The following FAM135B variants were observed in gnomAD, a reference collection of about 807,000 sequenced individuals.
FAM135B encodes family with sequence similarity 135 member B.
In FAM135B, 43 loss-of-function variants were observed where a neutral mutation model predicts 127.7. The ratio of observed to expected loss-of-function variants is 0.34; its 90% confidence interval spans 0.26 to 0.43. The LOEUF is 0.43. Ranked by LOEUF, FAM135B falls within the 20% of genes least tolerant of loss-of-function variation. FAM135B has a pLI of 1.00. For synonymous variants in FAM135B, 670 were observed against 665.1 expected, an observed-to-expected ratio of 1.01 and a Z score of -0.11; for missense variants, 1,558 against 1,725.6, an observed-to-expected ratio of 0.90 and a Z score of 1.72.
intron 5 of FAM135B, among the ~76,000 whole-genome samples, chr8:138,251,911 T>C (rs986306250): frequency 6.6e-6 from 1 of 152,080 alleles, no homozygotes; most frequent in African/African-American, 2.4e-5. Flanking sequence ...CCTCCATCCA[T>C]AGATAAGGAA....
chr8:138,363,045 G>A (rs1411473333), intron 2 of FAM135B, among the ~76,000 whole-genome samples: 1 of 152,162 alleles, frequency 6.6e-6, no homozygotes, highest in Admixed American at 6.5e-5. Context: ...AGGTTATACT[G>A]AGCTGGAACT....
At chr8:138,268,895 G>A (rs1823156244) in intron 3 of FAM135B, among the ~76,000 whole-genome samples, 1 of 152,074 alleles carries the variant, frequency 6.6e-6, no homozygotes, top group South Asian at 2.1e-4. Context: ...TTCTTTTGTG[G>A]GTGTCAGCCT....
chr8:138,384,396 T>G (rs575604595), intron 1 of FAM135B, among the ~76,000 whole-genome samples: 4 of 152,062 alleles, frequency 2.6e-5, no homozygotes, highest in Non-Finnish European at 5.9e-5. Context: ...ACCCATTTGC[T>G]AAATAGATGT....
chr8:138,227,723 T>TC (rs922161402), intron 7 of FAM135B, among the ~76,000 whole-genome samples: 6 of 145,728 alleles, frequency 4.1e-5, no homozygotes, highest in Non-Finnish European at 7.5e-5. Context: ...TCTTTTTTTT[T>TC]TTTTTTTTTT....
chr8:138,135,234 CA>C (rs1816544563), intron 19 of FAM135B, among the ~76,000 whole-genome samples: 1 of 152,054 alleles, frequency 6.6e-6, no homozygotes, highest in South Asian at 2.1e-4. Context: ...GAAATGTCAA[CA>C]AAAATATTTC....
intron 9 of FAM135B, among the ~76,000 whole-genome samples, chr8:138,181,535 C>G (rs1427858893): frequency 7.2e-5 from 11 of 152,118 alleles, no homozygotes; most frequent in African/African-American, 2.4e-4. Context: ...GCACACACAC[C>G]TGGTCCTCTC....
intron 1 of FAM135B, among the ~76,000 whole-genome samples, chr8:138,481,477 G>T (rs1389217570): frequency 1.3e-5 from 2 of 152,220 alleles, no homozygotes; most frequent in Non-Finnish European, 2.9e-5. Context: ...TAGCAGGGCA[G>T]AGAGTGGGTC....
intron 7 of FAM135B, among the ~76,000 whole-genome samples, chr8:138,216,346 C>G (rs1167928969): frequency 6.6e-6 from 1 of 152,158 alleles, no homozygotes; most frequent in African/African-American, 2.4e-5. Flanking sequence ...AACATTCACA[C>G]TCATGATATT....
At chr8:138,321,476 C>T (rs1433550099) in intron 2 of FAM135B, among the ~76,000 whole-genome samples, 5 of 152,150 alleles carry the variant, frequency 3.3e-5, no homozygotes, top group Admixed American at 1.3e-4. Context: ...TGTGCCCACA[C>T]GTCTGGGCGA....
intron 1 of FAM135B, among the ~76,000 whole-genome samples, chr8:138,493,678 T>C (rs1017061623): frequency 2.6e-5 from 4 of 152,186 alleles, no homozygotes; most frequent in African/African-American, 9.7e-5. Flanking sequence ...GCTGTGAAAT[T>C]AGACAAGGAT....
chr8:138,194,198 T>G (rs946620787), intron 9 of FAM135B, among the ~76,000 whole-genome samples: 4 of 152,142 alleles, frequency 2.6e-5, no homozygotes, highest in Non-Finnish European at 4.4e-5. Context: ...GGCATGTGTT[T>G]CCCTGTTATC....
chr8:138,296,107 C>A (rs948069184), intron 3 of FAM135B, among the ~76,000 whole-genome samples: 33 of 152,204 alleles, frequency 2.2e-4, no homozygotes, highest in African/African-American at 7.7e-4. Context: ...GCTTTTTTCA[C>A]TGTGGACTGA....
intron 1 of FAM135B, among the ~76,000 whole-genome samples, chr8:138,415,867 G>C (rs35212490): frequency 0.087 from 13,255 of 152,148 alleles, 993 homozygotes; most frequent in East Asian, 0.26. Context: ...ATGGTTATGT[G>C]TTTATCAAAT....
At chr8:138,327,645 T>C (rs1287130983) in intron 2 of FAM135B, among the ~76,000 whole-genome samples, 1 of 152,198 alleles carries the variant, frequency 6.6e-6, no homozygotes, top group Non-Finnish European at 1.5e-5. Flanking sequence ...TGAACATTGC[T>C]GAGGACAAGG....
At chr8:138,304,426 G>C (rs929212978) in intron 3 of FAM135B, among the ~76,000 whole-genome samples, 1 of 152,218 alleles carries the variant, frequency 6.6e-6, no homozygotes, top group African/African-American at 2.4e-5. Flanking sequence ...GGTGTGGAAG[G>C]GGCTACGTGC....
intron 2 of FAM135B, among the ~76,000 whole-genome samples, chr8:138,352,197 T>C (rs1024552981): frequency 2.0e-5 from 3 of 152,152 alleles, no homozygotes; most frequent in Non-Finnish European, 4.4e-5. Flanking sequence ...CTTTGCCAAT[T>C]TGACTGTTTA....
chr8:138,407,393 A>T (rs1338776436), intron 1 of FAM135B, among the ~76,000 whole-genome samples: 2 of 152,212 alleles, frequency 1.3e-5, no homozygotes, highest in African/African-American at 4.8e-5. Flanking sequence ...TCTTCACTGA[A>T]TTGGAAAAAA....
At chr8:138,446,958 G>GA (rs1836203737) in intron 1 of FAM135B, among the ~76,000 whole-genome samples, 1 of 151,972 alleles carries the variant, frequency 6.6e-6, no homozygotes, top group South Asian at 2.1e-4. Flanking sequence ...CAAATTTAAA[G>GA]AAAAAAACAA....
rs764272040 is a variant in FAM135B at position 138,151,908 on chromosome 8, T to C, written c.2567A>G (p.Asp856Gly). Residue 856 changes from aspartate to glycine, a missense_variant, in exon 13 of 20, where the codon GAT (aspartate) becomes GGT (glycine). Around this residue, in one of 5 missense-constraint regions of FAM135B, gnomAD observed 923 missense variants for 865.3 expected, o/e 1.07. Coordinates refer to ENST00000395297, the MANE Select transcript of FAM135B (RefSeq NM_015912.4). ...ATCAGGAAGACAGTGTCCTTGAGCA[T>C]CAAACTGCTTCCCTTTCCCTTTGGG... ...DIPKGKGKQF[D>G]AQGHCLPDGR... is the part of the protein sequence containing the mutation. The C allele has an allele frequency of 6.2e-7, 1 of 1,614,164 alleles. No homozygotes were observed.
Sources: gnomAD v4.1 joint callset for allele counts (sites outside exome capture counted in the v4.1 genomes callset) on GRCh38, gnomAD v4.1.1 for gene constraint, gnomAD v4.1.1 regional missense constraint, MANE v1.5 for transcripts, NCBI Gene and HGNC (gene_info 2026-07-23, HGNC 2026-07-21) for gene names.